The following ME3 variants were observed in gnomAD, a reference collection of about 807,000 sequenced individuals.
ME3 encodes NADP-dependent malic enzyme, mitochondrial.
In ME3, 48 loss-of-function variants were observed where a neutral mutation model predicts 68.9. The observed-to-expected ratio is 0.70, with a 90% CI of 0.55 to 0.89. The LOEUF is 0.89. Ranked by LOEUF, ME3 falls within the 40% of genes least tolerant of loss-of-function variation. ME3 has a pLI of 0.00. For missense variants in ME3, 675 were observed against 797.4 expected, an observed-to-expected ratio of 0.85 and a Z score of 1.85; for synonymous variants, 320 against 318.8, an observed-to-expected ratio of 1.00 and a Z score of -0.04.
intron 13 of ME3, 63 bp downstream of exon 13, chr11:86,446,251 T>C (rs1949279758): frequency 6.4e-7 from 1 of 1,569,520 alleles, no homozygotes; most frequent in Admixed American, 1.7e-5. Flanking sequence ...AGATCTGGTA[T>C]AGGACCCAGT....
chr11:86,603,554 A>G (rs1961091126), intron 2 of ME3, among the ~76,000 whole-genome samples: 1 of 152,212 alleles, frequency 6.6e-6, no homozygotes, highest in African/African-American at 2.4e-5. Flanking sequence ...TCAGGGATCT[A>G]GAACTAGAAA....
intron 2 of ME3, among the ~76,000 whole-genome samples, chr11:86,624,878 AT>A (rs1275248161): frequency 1.3e-5 from 2 of 152,196 alleles, no homozygotes; most frequent in African/African-American, 4.8e-5. Context: ...GAAGAACAGT[AT>A]TGCAAAAGCC....
rs574024406 is a variant in ME3, at chr11:86,593,432, A to G, written c.184-33609T>C. 2.0e-4 allele frequency among the ~76,000 whole-genome samples: 30 copies of G among 146,838 alleles called. 4 individuals carry two copies. In the South Asian group the frequency reaches 4.2e-3, roughly 21 times the overall value. ...ATTTCCTACTTGGGTTGCATGTTTA[A>G]TATTTCGTAAAACAATACTTTCACA... On this transcript the variant is annotated intron_variant, in intron 2 of 14. Transcript: ENST00000543262.
intron 2 of ME3, among the ~76,000 whole-genome samples, chr11:86,658,398 T>C (rs1399609629): frequency 1.3e-5 from 2 of 152,012 alleles, no homozygotes; most frequent in Non-Finnish European, 2.9e-5. Flanking sequence ...GCTGGGATTA[T>C]AGGTGTGAGC....
exon 15 of ME3, chr11:86,441,270 G>A (rs760682482): frequency 5.1e-6 from 8 of 1,573,994 alleles, no homozygotes; most frequent in Admixed American, 3.8e-5. Context: ...ACTAGCCTCT[G>A]AGACTGCCTC....
intron 8 of ME3, chr11:86,457,227 C>T (rs1348603045): frequency 6.5e-6 from 1 of 153,286 alleles, no homozygotes; most frequent in Non-Finnish European, 1.5e-5. Context: ...AAAGGCCCTC[C>T]CTTGGTCCTA....
intron 2 of ME3, among the ~76,000 whole-genome samples, chr11:86,666,986 AATAAATCATCATTGAATACAGAAGG>A (rs1946626073): frequency 6.6e-6 from 1 of 152,246 alleles, no homozygotes; most frequent in African/African-American, 2.4e-5. Context: ...GTGGAAGTCT[AATAAATCATCATTGAATACAGAAGG>A]GATTCAGCTG....
intron 2 of ME3, among the ~76,000 whole-genome samples, chr11:86,597,650 C>A (rs572705107): frequency 2.0e-5 from 3 of 152,250 alleles, no homozygotes; most frequent in East Asian, 3.9e-4. Flanking sequence ...GAAAGTATAT[C>A]TTGCTACTAT....
At chr11:86,670,082 G>A (rs1256549685) in intron 2 of ME3, among the ~76,000 whole-genome samples, 1 of 152,154 alleles carries the variant, frequency 6.6e-6, no homozygotes, top group Non-Finnish European at 1.5e-5. Flanking sequence ...TCCAGGGGTG[G>A]GCTCTGACCG....
intron 4 of ME3, among the ~76,000 whole-genome samples, chr11:86,535,686 T>A (rs1385846200): frequency 6.6e-6 from 1 of 152,218 alleles, no homozygotes; most frequent in Non-Finnish European, 1.5e-5. Context: ...TTGCTGAAGA[T>A]CCTTAAAGGA....
Position 86,542,884 on chromosome 11 carries a change from A to G in ME3, c.467+13669T>C, listed in dbSNP as rs188422500. Among the ~76,000 whole-genome samples the G allele has an allele frequency of 5.6e-3, 853 of 152,332 alleles. 9 individuals are homozygous for G. Among genetic ancestry groups the G allele is most frequent in the Non-Finnish European group, 7.8e-3 (534 of 68,034 alleles). On this transcript the variant is annotated intron_variant, in intron 4 of 14. Transcript: ENST00000543262. ...CACCAAGGTTGAAATGAAGGAAAAA[A>G]TGTTAAGGGCAGCCAGAGAGAAATG... is the stretch of plus-strand genomic sequence containing the variant.
At chr11:86,548,287 C>T (rs1224751237) in intron 4 of ME3, among the ~76,000 whole-genome samples, 3 of 152,236 alleles carry the variant, frequency 2.0e-5, no homozygotes, top group Non-Finnish European at 2.9e-5. Flanking sequence ...TTCCTTCTCT[C>T]CTCTACCTCT....
exon 4 of ME3, chr11:86,556,558 C>G (rs1355966832): frequency 1.1e-5 from 18 of 1,613,522 alleles, no homozygotes; most frequent in Non-Finnish European, 1.5e-5. Context: ...CTCACCGGGG[C>G]CTGCGGAAAG....
chr11:86,671,853 G>A, exon 2 of ME3: 3 of 1,584,680 alleles, frequency 1.9e-6, no homozygotes, highest in Non-Finnish European at 2.6e-6. Context: ...GCAGCCTTGG[G>A]CGGGCGCGGT....
At chr11:86,593,695 T>C (rs1347622268) in intron 2 of ME3, among the ~76,000 whole-genome samples, 1 of 146,786 alleles carries the variant, frequency 6.8e-6, no homozygotes, top group Non-Finnish European at 1.5e-5. Context: ...TTCCTATCTT[T>C]TTTCTATGCT....
At chr11:86,577,756 A>C (rs774772586) in intron 2 of ME3, among the ~76,000 whole-genome samples, 4 of 152,186 alleles carry the variant, frequency 2.6e-5, no homozygotes, top group Non-Finnish European at 4.4e-5. Flanking sequence ...AATGATAAAT[A>C]ATATCTTGCA....
intron 2 of ME3, among the ~76,000 whole-genome samples, chr11:86,592,871 G>A (rs2139674710): frequency 6.6e-6 from 1 of 152,284 alleles, no homozygotes; most frequent in African/African-American, 2.4e-5. Flanking sequence ...ACAGTGATGG[G>A]GGAGAGCACA....
At chr11:86,596,450 T>C (rs1959469068) in intron 2 of ME3, among the ~76,000 whole-genome samples, 1 of 152,242 alleles carries the variant, frequency 6.6e-6, no homozygotes. Context: ...GGTTTCAGGC[T>C]TTTTCAGTGA....
Position 86,497,953 on chromosome 11 carries a change from A to G in ME3, c.705+10T>C. ...TGGCCCCAGAGCTCCTGCCCTGGGC[A>G]GTGGGTTACCTCATTGTTGGTGCCG... On this transcript the variant is annotated intron_variant, in intron 6 of 14. Transcript: ENST00000543262. 2 of 1,587,554 alleles carry G rather than the reference A, an allele frequency of 1.3e-6. No homozygotes were observed. The highest frequency in any genetic ancestry group is 1.7e-6 in the Non-Finnish European group (2 of 1,164,804).
Sources: allele counts gnomAD v4.1 joint callset (sites outside exome capture counted in the v4.1 genomes callset), GRCh38; gene constraint gnomAD v4.1.1; transcripts MANE v1.5; gene names NCBI Gene and HGNC (gene_info 2026-07-23, HGNC 2026-07-21).